The following PPFIA2 variants were observed in gnomAD, a reference collection of about 807,000 sequenced individuals.
The protein encoded by PPFIA2 is PPFI scaffold protein A2.
In PPFIA2, 46 loss-of-function variants were observed where a neutral mutation model predicts 175.5. That is an observed-to-expected ratio of 0.26 (90% CI 0.21 to 0.34). The LOEUF (loss-of-function observed/expected upper bound fraction) is 0.34. Ranked by LOEUF, PPFIA2 falls within the 10% of genes least tolerant of loss-of-function variation. PPFIA2 has a pLI of 1.00. For synonymous variants in PPFIA2, 568 were observed against 511.4 expected, an observed-to-expected ratio of 1.11 and a Z score of -1.49; for missense variants, 1,179 against 1,506.1, an observed-to-expected ratio of 0.78 and a Z score of 3.60.
intron 4 of PPFIA2, among the ~76,000 whole-genome samples, chr12:81,638,739 G>C (rs1284537820): frequency 3.9e-5 from 5 of 127,032 alleles, no homozygotes; most frequent in Admixed American, 9.5e-5. Context: ...CCAGGCTGGA[G>C]TGCAGTGGCG....
intron 3 of PPFIA2, among the ~76,000 whole-genome samples, chr12:81,737,788 T>G (rs2081809553): frequency 6.6e-6 from 1 of 151,680 alleles, no homozygotes; most frequent in Non-Finnish European, 1.5e-5. Flanking sequence ...TGAACTAAAA[T>G]TTCAGTACAA....
At chr12:81,529,849 A>G (rs1475313932) in intron 4 of PPFIA2, among the ~76,000 whole-genome samples, 1 of 151,868 alleles carries the variant, frequency 6.6e-6, no homozygotes. Context: ...GAGAGAGGAT[A>G]AAGAAAAATA....
At chr12:81,757,122 T>G (rs1460723390) in intron 2 of PPFIA2, among the ~76,000 whole-genome samples, 3 of 152,128 alleles carry the variant, frequency 2.0e-5, no homozygotes. Flanking sequence ...ATTTCTTAAA[T>G]GCACATTTTG....
chr12:81,433,145 C>G (rs536027138), intron 7 of PPFIA2, among the ~76,000 whole-genome samples: 301 of 152,182 alleles, frequency 2.0e-3, no homozygotes, highest in African/African-American at 6.8e-3. Flanking sequence ...CTTTACCCTC[C>G]TCTTCTGTAT....
chr12:81,658,710 C>T (rs556911734), intron 4 of PPFIA2, among the ~76,000 whole-genome samples: 57 of 151,810 alleles, frequency 3.8e-4, no homozygotes, highest in African/African-American at 1.3e-3. Flanking sequence ...AAATATGTTA[C>T]ATATGTTTTA....
chr12:81,754,274 A>C, intron 2 of PPFIA2, 51 bp from the exon 3 acceptor site: 2 of 1,528,254 alleles, frequency 1.3e-6, no homozygotes, highest in East Asian at 4.9e-5. Context: ...GATTTCCAAT[A>C]ATTTCATTTG....
At chr12:81,639,537 C>A (rs1287104362) in intron 4 of PPFIA2, among the ~76,000 whole-genome samples, 1 of 147,210 alleles carries the variant, frequency 6.8e-6, no homozygotes, top group Middle Eastern at 3.5e-3. Context: ...AACATCTACT[C>A]GGTAAAAAAA....
Position 81,606,881 on chromosome 12 carries a change from T to C in PPFIA2, c.303+69910A>G, listed in dbSNP as rs149279484. On this transcript the variant is annotated intron_variant, in intron 4 of 32. Coordinates refer to ENST00000549396, the MANE Select transcript of PPFIA2 (RefSeq NM_003625.5). The stretch of plus-strand genomic sequence containing the variant: ...CTTTTGGGGACTTGGCAAAAAAATA[T>C]TTGCCAATGCCGATGTTGAGAATGG... Among the ~76,000 whole-genome samples the C allele has an allele frequency of 3.7e-4, 57 of 152,242 alleles. 1 individual carries two copies. The highest frequency in any genetic ancestry group is 2.1e-3 in the East Asian group (11 of 5,186).
At chr12:81,668,995 G>A (rs551187583) in intron 4 of PPFIA2, among the ~76,000 whole-genome samples, 23 of 151,996 alleles carry the variant, frequency 1.5e-4, no homozygotes, top group Middle Eastern at 3.4e-3. Flanking sequence ...ATGTGCCAGC[G>A]TTGGTGGTCC....
intron 4 of PPFIA2, among the ~76,000 whole-genome samples, chr12:81,569,669 G>A (rs1392893329): frequency 6.6e-6 from 1 of 152,048 alleles, no homozygotes; most frequent in Non-Finnish European, 1.5e-5. Context: ...AAACAAGTTT[G>A]GAACATTGTC....
chr12:81,558,944 A>G (rs1441161727), intron 4 of PPFIA2, among the ~76,000 whole-genome samples: 1 of 152,212 alleles, frequency 6.6e-6, no homozygotes, highest in African/African-American at 2.4e-5. Flanking sequence ...TAGAACAAGT[A>G]TAATACTTAT....
chr12:81,277,491 G>T (rs944507319), intron 27 of PPFIA2, 77 bp from the exon 28 acceptor site: 181 of 1,396,196 alleles, frequency 1.3e-4, no homozygotes, highest in Non-Finnish European at 1.6e-4. Context: ...ATTAGCCATA[G>T]TCAACACTAT....
chr12:81,687,616 A>G (rs1474714996), intron 3 of PPFIA2: 2 of 152,042 alleles, frequency 1.3e-5, no homozygotes, highest in Non-Finnish European at 2.9e-5. Flanking sequence ...GCAAAAATAG[A>G]CAGCTTAGTG....
chr12:81,572,370 T>C (rs921856207), intron 4 of PPFIA2, among the ~76,000 whole-genome samples: 2 of 152,028 alleles, frequency 1.3e-5, no homozygotes, highest in African/African-American at 4.8e-5. Flanking sequence ...TTCCTCTTTA[T>C]CACTATCATC....
At chr12:81,365,535 A>G (rs2032917879) in intron 14 of PPFIA2, among the ~76,000 whole-genome samples, 1 of 151,710 alleles carries the variant, frequency 6.6e-6, no homozygotes, top group African/African-American at 2.4e-5. Flanking sequence ...TAACATGCAT[A>G]ACAGCATCAC....
intron 6 of PPFIA2, among the ~76,000 whole-genome samples, chr12:81,445,033 C>T (rs559058889): frequency 6.6e-5 from 10 of 151,964 alleles, no homozygotes; most frequent in Admixed American, 2.6e-4. Flanking sequence ...TGTGATGTTA[C>T]ATGCAGAGAA....
At chr12:81,376,202 G>A (rs1039359585) in intron 9 of PPFIA2, among the ~76,000 whole-genome samples, 1 of 152,146 alleles carries the variant, frequency 6.6e-6, no homozygotes, top group Admixed American at 6.6e-5. Flanking sequence ...ACTCTCTACT[G>A]TAGAATTGGC....
At chr12:81,719,024 T>C (rs992582947) in intron 3 of PPFIA2, among the ~76,000 whole-genome samples, 1 of 151,698 alleles carries the variant, frequency 6.6e-6, no homozygotes, top group African/African-American at 2.4e-5. Context: ...AAATATTTTA[T>C]GTTTAAATTG....
intron 15 of PPFIA2, 54 bp downstream of exon 15, chr12:81,362,639 G>C (rs2031301861): frequency 1.7e-6 from 2 of 1,198,792 alleles, no homozygotes; most frequent in Non-Finnish European, 2.4e-6. Flanking sequence ...AAACCATAAG[G>C]GAATTCATGT....
Sources: allele counts gnomAD v4.1 joint callset (sites outside exome capture counted in the v4.1 genomes callset), GRCh38; gene constraint gnomAD v4.1.1; transcripts MANE v1.5; gene names NCBI Gene and HGNC (gene_info 2026-07-23, HGNC 2026-07-21).